Variants in ELAVL4 observed in about 807,000 individuals in gnomAD.
The protein encoded by ELAVL4 is ELAV-like protein 4.
ELAVL4 carries 1 observed loss-of-function variant against 35.6 expected under a neutral mutation model. That is an observed-to-expected ratio of 0.03 (90% CI 0.01 to 0.13). ELAVL4 has a LOEUF of 0.13. ELAVL4 is among the 10% of genes least tolerant of loss of function. The probability of loss-of-function intolerance (pLI) is 1.00; values close to 1 mark genes in which losing one functional copy is unlikely to be tolerated. For missense variants in ELAVL4, 267 were observed against 464.9 expected, an observed-to-expected ratio of 0.57 and a Z score of 3.91; for synonymous variants, 156 against 171.0, an observed-to-expected ratio of 0.91 and a Z score of 0.69.
At chr1:50,117,960 T>C (rs149663159) in intron 1 of ELAVL4, among the ~76,000 whole-genome samples, 68 of 152,224 alleles carry the variant, frequency 4.5e-4, no homozygotes, top group African/African-American at 1.6e-3. Flanking sequence ...GTATCCATGA[T>C]CTCCTTTGGA....
intron 1 of ELAVL4, among the ~76,000 whole-genome samples, chr1:50,094,857 G>A (rs1237586911): frequency 2.0e-5 from 3 of 152,254 alleles, no homozygotes; most frequent in Non-Finnish European, 4.4e-5. Context: ...CTGAACCCGG[G>A]AGGCAGAGGT....
At chr1:50,175,771 C>T (rs1679920974) in intron 2 of ELAVL4, 1 of 152,188 alleles carries the variant, frequency 6.6e-6, no homozygotes, top group African/African-American at 2.4e-5. Context: ...AGACATTTAC[C>T]AGCAAAACAG....
chr1:50,055,650 T>G (rs192873729), intron 1 of ELAVL4, among the ~76,000 whole-genome samples: 16 of 152,122 alleles, frequency 1.1e-4, no homozygotes, highest in Non-Finnish European at 5.9e-5. Flanking sequence ...TGGATAGTGT[T>G]GAAAAAATCT....
intron 2 of ELAVL4, among the ~76,000 whole-genome samples, chr1:50,174,040 T>C (rs558989210): frequency 2.0e-5 from 3 of 152,328 alleles, no homozygotes; most frequent in African/African-American, 7.2e-5. Context: ...ACTGCAAATA[T>C]AAAACCCATC....
At chr1:50,086,439 G>A (rs1253752482) in intron 1 of ELAVL4, among the ~76,000 whole-genome samples, 18 of 149,954 alleles carry the variant, frequency 1.2e-4, no homozygotes, top group Non-Finnish European at 8.9e-5. Context: ...AGATTTAAAG[G>A]TATTTCTTTG....
At chr1:50,142,409 G>T (rs552140488) in intron 1 of ELAVL4, among the ~76,000 whole-genome samples, 40 of 152,228 alleles carry the variant, frequency 2.6e-4, no homozygotes, top group Admixed American at 2.6e-3. Flanking sequence ...CTCCATGTTG[G>T]TCAGGCTGGT....
At chr1:50,185,954 A>G (rs1287424211) in intron 3 of ELAVL4, among the ~76,000 whole-genome samples, 1 of 152,198 alleles carries the variant, frequency 6.6e-6, no homozygotes, top group Admixed American at 6.5e-5. Flanking sequence ...AAGACCAGAT[A>G]TTCCACTAAC....
At chr1:50,083,013 T>C (rs991254816) in intron 1 of ELAVL4, among the ~76,000 whole-genome samples, 3 of 152,046 alleles carry the variant, frequency 2.0e-5, no homozygotes, top group African/African-American at 4.8e-5. Flanking sequence ...TAGGGAAAGA[T>C]GAAAAAGCAT....
At chr1:50,066,153 C>A (rs6698208) in intron 1 of ELAVL4, among the ~76,000 whole-genome samples, 1 of 152,060 alleles carries the variant, frequency 6.6e-6, no homozygotes, top group African/African-American at 2.4e-5. Flanking sequence ...ACCCTACCAC[C>A]CTTACATTCC....
At chr1:50,060,360 A>G (rs544325593) in intron 1 of ELAVL4, among the ~76,000 whole-genome samples, 9 of 152,200 alleles carry the variant, frequency 5.9e-5, no homozygotes, top group Non-Finnish European at 1.2e-4. Flanking sequence ...ATGACTTTTC[A>G]TGATACATAA....
Position 50,200,851 on chromosome 1 carries a change from G to A in ELAVL4, c.774G>A (p.Arg258=). The A allele has an allele frequency of 1.2e-6, 2 of 1,613,030 alleles. No individual in the cohort carries two copies. Among genetic ancestry groups the A allele is most frequent in the East Asian group, 2.2e-5 (1 of 44,850 alleles). The change falls in exon 7 of 7, where the codon AGG becomes AGA. Residue 258 remains arginine, a splice_region_variant and synonymous_variant. Coordinates refer to ENST00000371824, the MANE Select transcript of ELAVL4 (RefSeq NM_001144774.3). Reference sequence around the variant, plus strand: ...TCCCCCCTTCTGCTTGTCCCCCCAGGTTCTCCCCAATTACCATTGATGGAA... The same window carrying A: ...TCCCCCCTTCTGCTTGTCCCCCCAGATTCTCCCCAATTACCATTGATGGAA... The part of the protein sequence containing the change: ...NLLNMAYGVK[R]FSPITIDGMT...
intron 1 of ELAVL4, among the ~76,000 whole-genome samples, chr1:50,142,814 A>G (rs534188865): frequency 6.6e-6 from 1 of 152,196 alleles, no homozygotes; most frequent in South Asian, 2.1e-4. Flanking sequence ...AATGTTGTAC[A>G]TAACGCTCAT....
chr1:50,103,670 G>T (rs925573563), upstream of ELAVL4, among the ~76,000 whole-genome samples: 23 of 152,284 alleles, frequency 1.5e-4, no homozygotes, highest in Admixed American at 7.2e-4. Context: ...TATTTAAATG[G>T]TGTGCTATAA....
intron 1 of ELAVL4, chr1:50,109,862 G>A (rs1666758129): frequency 1.3e-6 from 2 of 1,585,204 alleles, no homozygotes; most frequent in Non-Finnish European, 1.7e-6. Flanking sequence ...AGCTCTGTAA[G>A]AAGGAATGTC....
intron 1 of ELAVL4, among the ~76,000 whole-genome samples, chr1:50,064,104 G>A (rs989288063): frequency 1.3e-5 from 2 of 152,192 alleles, no homozygotes; most frequent in African/African-American, 4.8e-5. Flanking sequence ...ATAGAGAAAG[G>A]TGTGCTGAGA....
intron 2 of ELAVL4, among the ~76,000 whole-genome samples, chr1:50,153,642 A>G (rs1361596625): frequency 6.6e-6 from 1 of 152,190 alleles, no homozygotes; most frequent in Non-Finnish European, 1.5e-5. Context: ...ATTGTAGGAG[A>G]CCAGTCCATG....
At chr1:50,142,412 A>C (rs1198279515) in intron 1 of ELAVL4, among the ~76,000 whole-genome samples, 1 of 152,164 alleles carries the variant, frequency 6.6e-6, no homozygotes, top group African/African-American at 2.4e-5. Flanking sequence ...CATGTTGGTC[A>C]GGCTGGTCTT....
At position 50,070,117 on chromosome 1, in the gene ELAVL4, C is replaced by T. The variant is rs543717302; in HGVS notation, c.18+21935C>T. ...GCCAGGCAACAGGATTCCTTGTTTT[C>T]CTGAGCTTTCTTGACACTGTTAATG... On this transcript the variant is annotated intron_variant, in intron 1 of 6. Coordinates refer to the ELAVL4 transcript ENST00000448907. Among the ~76,000 whole-genome samples the T allele has an allele frequency of 2.6e-5, 4 of 152,234 alleles. No individual in the cohort carries two copies. In the South Asian group the frequency reaches 8.3e-4, roughly 32 times the overall value.
chr1:50,103,887 A>C, upstream of ELAVL4: 2 of 1,605,888 alleles, frequency 1.2e-6, no homozygotes, highest in Non-Finnish European at 1.7e-6. Flanking sequence ...GTTCGGAGGG[A>C]CTGGTGTGAA....
Sources: allele counts gnomAD v4.1 joint callset (sites outside exome capture counted in the v4.1 genomes callset), GRCh38; gene constraint gnomAD v4.1.1; transcripts MANE v1.5; gene names NCBI Gene and HGNC (gene_info 2026-07-23, HGNC 2026-07-21).